SLC17A3: variants seen among roughly 807,000 people sequenced by gnomAD.
SLC17A3 encodes the protein sodium-dependent phosphate transport protein 4.
In SLC17A3, 61 loss-of-function variants were observed where a neutral mutation model predicts 60.3. The observed-to-expected ratio is 1.01, with a 90% CI of 0.82 to 1.25. The LOEUF is 1.25. SLC17A3 is among the 50% of genes most tolerant of loss of function. The pLI, the probability that SLC17A3 is intolerant of heterozygous loss-of-function variation, is 0.00. For missense variants in SLC17A3, 624 were observed against 594.9 expected, an observed-to-expected ratio of 1.05 and a Z score of -0.51; for synonymous variants, 192 against 208.9, an observed-to-expected ratio of 0.92 and a Z score of 0.70.
intron 1 of SLC17A3, among the ~76,000 whole-genome samples, chr6:25,871,383 G>A (rs1252073766): frequency 1.9e-4 from 28 of 150,654 alleles, no homozygotes; most frequent in Non-Finnish European, 1.9e-4. Context: ...GCAAAATATC[G>A]CAAGGACAAA....
At chr6:25,851,895 A>C (rs1765284133) in intron 6 of SLC17A3, among the ~76,000 whole-genome samples, 1 of 152,120 alleles carries the variant, frequency 6.6e-6, no homozygotes, top group South Asian at 2.1e-4. Context: ...CATTTCCATA[A>C]AAATTTAGTT....
chr6:25,871,761 C>T (rs1765645904), intron 1 of SLC17A3, among the ~76,000 whole-genome samples: 1 of 152,038 alleles, frequency 6.6e-6, no homozygotes, highest in African/African-American at 2.4e-5. Context: ...ACTGTTGTCT[C>T]AATCCAAGAA....
intron 1 of SLC17A3, among the ~76,000 whole-genome samples, chr6:25,872,596 T>TA (rs1765663113): frequency 2.0e-5 from 2 of 99,502 alleles, no homozygotes; most frequent in East Asian, 3.8e-4. Flanking sequence ...ATATATATAT[T>TA]TATATATATA....
intron 6 of SLC17A3, 61 bp downstream of exon 6, chr6:25,855,083 T>C (rs932453518): frequency 8.4e-6 from 9 of 1,065,644 alleles, no homozygotes; most frequent in Middle Eastern, 4.0e-4. Flanking sequence ...ACACAAAATA[T>C]ACTTACTGAG....
At chr6:25,851,260 T>G (rs919923056) in intron 6 of SLC17A3, among the ~76,000 whole-genome samples, 2 of 152,010 alleles carry the variant, frequency 1.3e-5, no homozygotes, top group Non-Finnish European at 2.9e-5. Flanking sequence ...TTTTTTGGTT[T>G]TTTATTATTG....
rs769372640 is a variant in SLC17A3, at chr6:25,855,131, G to A, written c.712+13C>T. ...GCATATGAAACTCAGGGAACTGGGAGATAGTAGCTTACCAAAGATATAGAA... is the reference window on the plus strand; with the variant it reads ...GCATATGAAACTCAGGGAACTGGGAAATAGTAGCTTACCAAAGATATAGAA... On this transcript the variant is annotated intron_variant, in intron 6 of 12. Coordinates refer to ENST00000397060, the MANE Select transcript of SLC17A3 (RefSeq NM_001098486.2). 1.3e-6 allele frequency: 2 copies of A among 1,555,840 alleles called. No homozygotes were observed. Among genetic ancestry groups the A allele is most frequent in the East Asian group, 2.2e-5 (1 of 44,558 alleles).
In SLC17A3 at chr6:25,861,969, C is replaced by A; in HGVS notation, c.364G>T (p.Gly122Cys). 2 of 1,612,242 alleles carry A rather than the reference C, an allele frequency of 1.2e-6. No homozygotes were observed. Among genetic ancestry groups the A allele is most frequent in the Non-Finnish European group, 1.7e-6 (2 of 1,179,182 alleles). The part of the protein sequence containing the change: ...QGIIFGAVGY[G>C]GILTMAPSGY... ...CTGGGAGCCATTGTCAGTATGCCAC[C>A]ATAGCCAACAGCACCAAAGATGATG... Residue 122 changes from glycine to cysteine, a missense_variant, in exon 4 of 13, where the codon GGT (glycine) becomes TGT (cysteine). Coordinates refer to ENST00000397060, the MANE Select transcript of SLC17A3 (RefSeq NM_001098486.2).
Position 25,862,046 on chromosome 6 carries a change from A to C in SLC17A3, c.304-17T>G. ...CACAGGAGCCTTAGAGAAACAGAGAATGCTGTAGTAAACCTTACACAAAAA... is the reference window on the plus strand; with the variant it reads ...CACAGGAGCCTTAGAGAAACAGAGACTGCTGTAGTAAACCTTACACAAAAA... On this transcript the variant is annotated splice_polypyrimidine_tract_variant and intron_variant, in intron 3 of 12. Transcript: ENST00000397060. 1 of 1,570,646 alleles carries C rather than the reference A, an allele frequency of 6.4e-7. No individual in the cohort carries two copies. Among genetic ancestry groups the C allele is most frequent in the South Asian group, 1.2e-5 (1 of 86,762 alleles).
At chr6:25,863,184 T>C (rs1253452617) in intron 2 of SLC17A3, among the ~76,000 whole-genome samples, 1 of 152,024 alleles carries the variant, frequency 6.6e-6, no homozygotes, top group African/African-American at 2.4e-5. Flanking sequence ...AAAAATGTAG[T>C]AAAACATAGG....
chr6:25,856,637 G>C (rs1235079044), intron 5 of SLC17A3, among the ~76,000 whole-genome samples: 1 of 151,782 alleles, frequency 6.6e-6, no homozygotes, highest in Non-Finnish European at 1.5e-5. Flanking sequence ...CATGAGGTTA[G>C]GAGTTCGAGA....
At position 25,849,413 on chromosome 6, in the gene SLC17A3, A is replaced by G. The variant is rs1765232218; in HGVS notation, c.1323T>C (p.Pro441=). The stretch of plus-strand genomic sequence containing the variant: ...ATCCACTGACAGTGGGTACAATGAC[A>G]GGTGCTATGCTCGAAAATCCTCTTG... ...GASRGFSSIA[P]VIVPTVSGFL... Residue 441 remains proline, a synonymous_variant, in exon 11 of 13, where the codon CCT becomes CCC. Transcript: ENST00000397060. 6.8e-6 allele frequency: 11 copies of G among 1,612,970 alleles called. No homozygotes were observed. The highest frequency in any genetic ancestry group is 9.3e-6 in the Non-Finnish European group (11 of 1,178,948).
intron 5 of SLC17A3, among the ~76,000 whole-genome samples, chr6:25,855,655 T>A (rs918582191): frequency 6.6e-6 from 1 of 152,160 alleles, no homozygotes; most frequent in South Asian, 2.1e-4. Context: ...ATAATATATA[T>A]CTACACATAG....
intron 1 of SLC17A3, among the ~76,000 whole-genome samples, chr6:25,873,862 T>A (rs999723198): frequency 1.3e-5 from 2 of 152,228 alleles, no homozygotes; most frequent in South Asian, 4.1e-4. Flanking sequence ...AGAAGCCAGT[T>A]TGACCTGCAA....
chr6:25,845,603 C>A (rs778202756), intron 11 of SLC17A3, 87 bp from the exon 12 acceptor site: 240 of 1,472,992 alleles, frequency 1.6e-4, no homozygotes, highest in Non-Finnish European at 2.1e-4. Context: ...ACAACATTCA[C>A]TGGTGGGTTT....
intron 5 of SLC17A3, among the ~76,000 whole-genome samples, chr6:25,859,868 C>G (rs1561857442): frequency 1.3e-5 from 2 of 152,056 alleles, no homozygotes; most frequent in African/African-American, 4.8e-5. Flanking sequence ...CATTTCCACT[C>G]CTCCCCCTTA....
At chr6:25,862,763 T>C (rs539617085) in intron 2 of SLC17A3, among the ~76,000 whole-genome samples, 2 of 151,852 alleles carry the variant, frequency 1.3e-5, no homozygotes, top group South Asian at 4.2e-4. Flanking sequence ...TACATATGTG[T>C]GTGTGTGTAT....
At chr6:25,851,392 A>G (rs1393550501) in intron 6 of SLC17A3, among the ~76,000 whole-genome samples, 3 of 152,130 alleles carry the variant, frequency 2.0e-5, no homozygotes, top group Non-Finnish European at 4.4e-5. Context: ...TGATGAGGAT[A>G]TATTTCTAAC....
intron 5 of SLC17A3, among the ~76,000 whole-genome samples, chr6:25,860,583 G>A (rs1289643145): frequency 6.6e-6 from 1 of 152,098 alleles, no homozygotes; most frequent in Non-Finnish European, 1.5e-5. Context: ...ACTAGGTTTG[G>A]AGGCCAGAAA....
At chr6:25,853,502 G>A (rs866227825) in intron 6 of SLC17A3, among the ~76,000 whole-genome samples, 4 of 128,810 alleles carry the variant, frequency 3.1e-5, no homozygotes, top group Admixed American at 9.5e-5. Flanking sequence ...TGCAAGCTCC[G>A]CCTCCCGGGT....
Sources: gnomAD v4.1 joint callset for allele counts (sites outside exome capture counted in the v4.1 genomes callset) on GRCh38, gnomAD v4.1.1 for gene constraint, MANE v1.5 for transcripts, NCBI Gene and HGNC (gene_info 2026-07-23, HGNC 2026-07-21) for gene names.